The following SAP30L variants were observed in gnomAD, a reference collection of about 807,000 sequenced individuals.
The protein encoded by SAP30L is SAP30 like.
A neutral mutation model predicts 22.3 loss-of-function variants in SAP30L; 10 were observed. The observed-to-expected ratio is 0.45, with a 90% CI of 0.28 to 0.76. The LOEUF (loss-of-function observed/expected upper bound fraction) is 0.76. Ranked by LOEUF, SAP30L falls within the 30% of genes least tolerant of loss-of-function variation. The pLI, the probability that SAP30L is intolerant of heterozygous loss-of-function variation, is 0.14. For synonymous variants in SAP30L, 91 were observed against 94.1 expected, an observed-to-expected ratio of 0.97 and a Z score of 0.19; for missense variants, 206 against 237.9, an observed-to-expected ratio of 0.87 and a Z score of 0.88.
chr5:154,459,372 C>T lies in SAP30L; in HGVS notation c.*3344C>T, dbSNP rs567710432. ...CCACTACCTCGTGGAGAAGCCTGTTCTTTGTAAACCTCTGGCTTTTCTATG... is the reference window on the plus strand; with the variant it reads ...CCACTACCTCGTGGAGAAGCCTGTTTTTTGTAAACCTCTGGCTTTTCTATG... On this transcript the variant is annotated 3_prime_UTR_variant, in exon 4 of 4. Transcript: ENST00000297109. 1 of 152,356 alleles carries T rather than the reference C, an allele frequency of 6.6e-6. No homozygotes were observed. The highest frequency in any genetic ancestry group is 2.1e-4 in the South Asian group (1 of 4,834). The allele number at this position is 152,356 out of a possible 1,614,324, so 9.4% of individuals were successfully genotyped here. A position where few individuals can be genotyped will look rare whatever the true frequency, so the allele number is the denominator to read the frequency against.
chr5:154,453,335 A>G (rs1487822868), intron 2 of SAP30L, 67 bp from the exon 3 acceptor site: 3 of 1,085,770 alleles, frequency 2.8e-6, no homozygotes, highest in Admixed American at 1.7e-5. Context: ...TGCTAGGCAC[A>G]TAGTGGGCTC....
At chr5:154,447,261 C>G (rs1045847134) in intron 1 of SAP30L, among the ~76,000 whole-genome samples, 1 of 152,230 alleles carries the variant, frequency 6.6e-6, no homozygotes, top group African/African-American at 2.4e-5. Flanking sequence ...TCCTCGGTAT[C>G]AGCAGAGGGT....
In SAP30L at chr5:154,451,113, A is replaced by G. The variant is rs1757130481; in HGVS notation, c.224A>G (p.Asp75Gly). Residue 75 changes from aspartate (D) to glycine (G), a missense_variant, in exon 2 of 4, where the codon GAT (aspartate) becomes GGT (glycine). Transcript: ENST00000297109. ...CAGGTAAGGCACCTATATATCTGTG[A>G]TTTTCACAAAAATTTCATCCAGAGT... ...DKSVRHLYICDFHKNFIQSVR... is the reference protein window; with the variant it reads ...DKSVRHLYICGFHKNFIQSVR... 1 of 1,613,994 alleles carries G rather than the reference A, an allele frequency of 6.2e-7. No homozygotes were observed. The highest frequency in any genetic ancestry group is 8.5e-7 in the Non-Finnish European group (1 of 1,180,018).
intron 2 of SAP30L, chr5:154,452,382 A>T: frequency 5.1e-4 from 260 of 505,932 alleles, no homozygotes; most frequent in Middle Eastern, 9.9e-4. Flanking sequence ...AAAAAAAAAA[A>T]GGTTTTGAGG....
In SAP30L at chr5:154,446,074, G is replaced by T. The variant is rs1251956441; in HGVS notation, c.-531G>T. ...GGACTCGGGGCGCAGCCGAGTGGCTGCAGGGGTGGAGTGGGCCGGACGAGC... is the reference window on the plus strand; with the variant it reads ...GGACTCGGGGCGCAGCCGAGTGGCTTCAGGGGTGGAGTGGGCCGGACGAGC... On this transcript the variant is annotated 5_prime_UTR_variant, in exon 1 of 4. Coordinates refer to ENST00000297109, the MANE Select transcript of SAP30L (RefSeq NM_024632.6). The T allele has an allele frequency of 6.6e-6, 1 of 151,910 alleles. No individual in the cohort carries two copies. The highest frequency in any genetic ancestry group is 2.4e-5 in the African/African-American group (1 of 41,390). The allele number at this position is 151,910 out of a possible 1,614,324, so 9.4% of individuals were successfully genotyped here.
Position 154,446,536 on chromosome 5 carries a change from G to A in SAP30L, c.-69G>A. On this transcript the variant is annotated 5_prime_UTR_variant, in exon 1 of 4. Coordinates refer to ENST00000297109, the MANE Select transcript of SAP30L (RefSeq NM_024632.6). ...TGCGGGGGTCTCAGCGACCTGCCCC[G>A]CGGCAAGCGCGGCCGCGGAGTGGCC... 7.7e-7 allele frequency: 1 copy of A among 1,296,552 alleles called. No homozygotes were observed. 80.3% of individuals were successfully genotyped at this position (1,296,552 alleles called of 1,614,324 possible).
rs1031995904 is a variant in SAP30L, at chr5:154,446,034, C to T, written c.-571C>T. The T allele has an allele frequency of 1.3e-5, 2 of 152,256 alleles. No homozygotes were observed. Among genetic ancestry groups the T allele is most frequent in the African/African-American group, 2.4e-5 (1 of 41,368 alleles). The allele number at this position is 152,256 out of a possible 1,614,324, so 9.4% of individuals were successfully genotyped here. On this transcript the variant is annotated 5_prime_UTR_variant, in exon 1 of 4. Transcript: ENST00000297109. ...GTTCGGCGGGCGGCGGCCGGGCGGC[C>T]CAGGGGCTGCCGCGGGACTCGGGGC...
rs1008875360 is a variant in SAP30L, at chr5:154,446,722, C to T, written c.118C>T (p.Arg40Trp). Residue 40 changes from arginine (R) to tryptophan (W), a missense_variant, in exon 1 of 4, where the codon CGG (arginine) becomes TGG (tryptophan). Physicochemically the swap from Arg to Trp is moderately radical, Grantham distance 101. This residue lies in a region of SAP30L where 136 missense variants were observed against 187.4 expected (regional missense o/e 0.73). Transcript: ENST00000297109. The part of the protein sequence containing the change: ...CLIEDGERCV[R>W]PAGNASFSKR... ...CATCGAGGACGGCGAGCGCTGCGTCCGGCCCGCGGGCAACGCCTCCTTCAG... is the reference window on the plus strand; with the variant it reads ...CATCGAGGACGGCGAGCGCTGCGTCTGGCCCGCGGGCAACGCCTCCTTCAG... The T allele has an allele frequency of 1.2e-6, 2 of 1,604,944 alleles. No homozygotes were observed. Among genetic ancestry groups the T allele is most frequent in the Non-Finnish European group, 8.5e-7 (1 of 1,177,904 alleles).
chr5:154,447,627 G>C (rs1485100279), intron 1 of SAP30L, among the ~76,000 whole-genome samples: 2 of 152,236 alleles, frequency 1.3e-5, no homozygotes, highest in Non-Finnish European at 1.5e-5. Context: ...TTAGGAATTG[G>C]AAATGAGTTA....
chr5:154,449,882 A>G (rs1757102682), intron 1 of SAP30L, among the ~76,000 whole-genome samples: 1 of 152,232 alleles, frequency 6.6e-6, no homozygotes, highest in South Asian at 2.1e-4. Flanking sequence ...TCTGCAAGAC[A>G]CCATCACAGT....
chr5:154,456,072 A>T lies in SAP30L; in HGVS notation c.*44A>T. Reference sequence around the variant, plus strand: ...AGGAATGAAGTGTAATGCTTGATGCACAGGTGATATCTACTACATTTAAGC... The same window carrying T: ...AGGAATGAAGTGTAATGCTTGATGCTCAGGTGATATCTACTACATTTAAGC... On this transcript the variant is annotated 3_prime_UTR_variant, in exon 4 of 4. Coordinates refer to ENST00000297109, the MANE Select transcript of SAP30L (RefSeq NM_024632.6). 6.3e-7 allele frequency: 1 copy of T among 1,595,010 alleles called. No individual in the cohort carries two copies. Among genetic ancestry groups the T allele is most frequent in the Non-Finnish European group, 8.5e-7 (1 of 1,170,440 alleles).
chr5:154,449,988 T>C (rs2113270837), intron 1 of SAP30L, among the ~76,000 whole-genome samples: 1 of 152,360 alleles, frequency 6.6e-6, no homozygotes, highest in Admixed American at 6.5e-5. Context: ...ATTTTCTCCA[T>C]GAAAAGGTCT....
At chr5:154,452,005 C>T (rs1212782319) in intron 2 of SAP30L, among the ~76,000 whole-genome samples, 5 of 152,224 alleles carry the variant, frequency 3.3e-5, no homozygotes, top group African/African-American at 7.2e-5. Context: ...TTCAGGTGCC[C>T]GTGTCTATTA....
chr5:154,453,551 G>A (rs1757198829), intron 3 of SAP30L, 51 bp downstream of exon 3: 3 of 1,203,638 alleles, frequency 2.5e-6, no homozygotes, highest in Non-Finnish European at 3.7e-6. Flanking sequence ...TGCTGCTTCT[G>A]ATGGTTACCC....
chr5:154,459,895 G>A lies in SAP30L; in HGVS notation c.*3867G>A, dbSNP rs1280756318. The A allele has an allele frequency of 1.3e-5, 2 of 152,176 alleles. No individual in the cohort carries two copies. The highest frequency in any genetic ancestry group is 2.4e-5 in the African/African-American group (1 of 41,432). The allele number at this position is 152,176 out of a possible 1,614,324, so 9.4% of individuals were successfully genotyped here. A position where few individuals can be genotyped will look rare whatever the true frequency, so the allele number is the denominator to read the frequency against. The stretch of plus-strand genomic sequence containing the variant: ...ACGCTTCAGGACTTAAGGTCTAAGC[G>A]TCAGAGAAGTGCCGTATTTTCAAGG... On this transcript the variant is annotated 3_prime_UTR_variant, in exon 4 of 4. Transcript: ENST00000297109.
Position 154,446,820 on chromosome 5 carries a change from G to A in SAP30L, c.201+15G>A. On this transcript the variant is annotated intron_variant, in intron 1 of 3. Transcript: ENST00000297109. ...TCGACAAGAGCGTGAGTCCGCCCCC[G>A]CTCGCGTCTGGGCCCCGGCGCCCCC... 2.5e-6 allele frequency: 4 copies of A among 1,592,514 alleles called. No individual in the cohort carries two copies. The highest frequency in any genetic ancestry group is 1.4e-5 in the African/African-American group (1 of 73,444).
At chr5:154,455,576 C>G (rs1401870046) in intron 3 of SAP30L, among the ~76,000 whole-genome samples, 1 of 152,228 alleles carries the variant, frequency 6.6e-6, no homozygotes, top group Admixed American at 6.5e-5. Flanking sequence ...AGCTGGCCAA[C>G]CAGAGCAGTC....
In SAP30L at chr5:154,460,678, T is replaced by C. The variant is rs1362316373; in HGVS notation, c.*4650T>C. 1 of 152,252 alleles carries C rather than the reference T, an allele frequency of 6.6e-6. No individual in the cohort carries two copies. The highest frequency in any genetic ancestry group is 2.4e-5 in the African/African-American group (1 of 41,464). 9.4% of individuals were successfully genotyped at this position (152,252 alleles called of 1,614,324 possible). On this transcript the variant is annotated 3_prime_UTR_variant, in exon 4 of 4. Coordinates refer to ENST00000297109, the MANE Select transcript of SAP30L (RefSeq NM_024632.6). Reference sequence around the variant, plus strand: ...GCATCTTAAAACACAAACCCTTCAGTTGCTTTCACTTAATGCACACATTTG... The same window carrying C: ...GCATCTTAAAACACAAACCCTTCAGCTGCTTTCACTTAATGCACACATTTG...
intron 3 of SAP30L, among the ~76,000 whole-genome samples, chr5:154,454,911 A>G (rs1042621904): frequency 1.3e-5 from 2 of 151,466 alleles, no homozygotes; most frequent in Non-Finnish European, 2.9e-5. Context: ...TTGGCTGTTC[A>G]TTTAACACAA....
Sources: gnomAD v4.1 joint callset for allele counts (sites outside exome capture counted in the v4.1 genomes callset) on GRCh38, gnomAD v4.1.1 for gene constraint, gnomAD v4.1.1 regional missense constraint, MANE v1.5 for transcripts, NCBI Gene and HGNC (gene_info 2026-07-23, HGNC 2026-07-21) for gene names.